Variants in SYNE1 observed in about 807,000 individuals in gnomAD.
SYNE1 encodes the protein spectrin repeat containing nuclear envelope protein 1, also known as nesprin-1.
A neutral mutation model predicts 1,111.0 loss-of-function variants in SYNE1; 616 were observed. The observed-to-expected ratio is 0.55, with a 90% CI of 0.52 to 0.59. SYNE1 has a LOEUF of 0.59. SYNE1 is among the 20% of genes least tolerant of loss of function. SYNE1 has a pLI of 0.00. For missense variants in SYNE1, 10,006 were observed against 10,417.0 expected, an observed-to-expected ratio of 0.96 and a Z score of 1.72; for synonymous variants, 3,855 against 3,825.8, an observed-to-expected ratio of 1.01 and a Z score of -0.28.
intron 3 of SYNE1, among the ~76,000 whole-genome samples, chr6:152,609,778 C>T (rs987993902): frequency 1.3e-5 from 2 of 152,114 alleles, no homozygotes; most frequent in African/African-American, 2.4e-5. Flanking sequence ...TCCAGGGGAA[C>T]GATCAGGCAG....
Position 152,376,527 on chromosome 6 carries a change from T to A in SYNE1, c.9178A>T (p.Asn3060Tyr), listed in dbSNP as rs1409760095. ...CTTTGCTGTAAAATCTGTTCTTTAT[T>A]CTGGCAGCCCTTGGATGCTTGCAAA... ...LCLQASKGCQNKEQILQQRFR... is the reference protein window; with the variant it reads ...LCLQASKGCQYKEQILQQRFR... Residue 3060 changes from asparagine (N) to tyrosine (Y), a missense_variant, in exon 58 of 146, where the codon AAT becomes TAT. Coordinates refer to ENST00000367255, the MANE Select transcript of SYNE1 (RefSeq NM_182961.4). 1.2e-6 allele frequency: 2 copies of A among 1,614,032 alleles called. No individual in the cohort carries two copies. The highest frequency in any genetic ancestry group is 2.7e-5 in the African/African-American group (2 of 74,932).
At chr6:152,579,191 AT>A (rs1347561775) in intron 3 of SYNE1, among the ~76,000 whole-genome samples, 2 of 152,138 alleles carry the variant, frequency 1.3e-5, no homozygotes, top group Admixed American at 6.5e-5. Context: ...AGAGGTAGAA[AT>A]TTTTTTCCTT....
intron 129 of SYNE1, among the ~76,000 whole-genome samples, chr6:152,178,374 AACCGTGAGCAGATGC>A (rs1474888034): frequency 6.6e-6 from 1 of 152,230 alleles, no homozygotes; most frequent in Non-Finnish European, 1.5e-5. Context: ...AGCAAAGGGC[AACCGTGAGCAGATGC>A]TAAAATGAAA....
chr6:152,514,638 TA>T lies in SYNE1; in HGVS notation c.310-3536del, dbSNP rs200978447. Among the ~76,000 whole-genome samples, 111 of 105,472 alleles carry T rather than the reference TA, an allele frequency of 1.1e-3. 1 individual carries two copies. The East Asian group carries it at 0.021, about 20-fold the overall frequency. The allele number at this position is 105,472 out of a possible 152,430, so 69.2% of individuals were successfully genotyped here. On this transcript the variant is annotated intron_variant, in intron 6 of 145. Coordinates refer to ENST00000367255, the MANE Select transcript of SYNE1 (RefSeq NM_182961.4). ...CTTAAAGTATAATTTAAAAAAATAA[TA>T]AAAAAAAACAATGAATACCAAAAAA...
At chr6:152,583,482 GA>G (rs2128444802) in intron 3 of SYNE1, among the ~76,000 whole-genome samples, 1 of 152,296 alleles carries the variant, frequency 6.6e-6, no homozygotes, top group East Asian at 1.9e-4. Context: ...GGATTGTGCA[GA>G]AAAATAGGAA....
intron 119 of SYNE1, among the ~76,000 whole-genome samples, 157 bp downstream of exon 119, chr6:152,220,685 T>C (rs1057057332): frequency 2.0e-5 from 3 of 152,198 alleles, no homozygotes; most frequent in African/African-American, 7.2e-5. Flanking sequence ...TGTGCACCTG[T>C]GTTCTGAAAA....
intron 3 of SYNE1, among the ~76,000 whole-genome samples, chr6:152,585,751 G>A (rs1287282970): frequency 1.3e-5 from 2 of 152,030 alleles, no homozygotes; most frequent in East Asian, 1.9e-4. Flanking sequence ...GAAAAACACC[G>A]CCATGATTTT....
Position 152,596,263 on chromosome 6 carries a change from TTTGTTTG to T in SYNE1, c.67+31995_67+32001del, listed in dbSNP as rs1284588406. 1.0e-3 allele frequency among the ~76,000 whole-genome samples: 116 copies of T among 111,972 alleles called. 1 individual carries two copies. The highest frequency in any genetic ancestry group is 5.0e-3 in the Middle Eastern group (1 of 202). 73.5% of individuals were successfully genotyped at this position (111,972 alleles called of 152,430 possible). ...AAAAAGTTATGATTACAGTTTTTTG[TTTGTTTG>T]TTTTTTTTTTTTTTTGAGATGACGT... On this transcript the variant is annotated intron_variant, in intron 3 of 145. Transcript: ENST00000367255.
At chr6:152,539,554 T>C (rs573278176) in intron 4 of SYNE1, among the ~76,000 whole-genome samples, 1 of 152,330 alleles carries the variant, frequency 6.6e-6, no homozygotes, top group African/African-American at 2.4e-5. Flanking sequence ...GCACTGATAC[T>C]ATCATAATAT....
Position 152,321,852 on chromosome 6 carries a change from C to G in SYNE1, c.15952G>C (p.Val5318Leu). 6.2e-7 allele frequency: 1 copy of G among 1,614,036 alleles called. No individual in the cohort carries two copies. The highest frequency in any genetic ancestry group is 8.5e-7 in the Non-Finnish European group (1 of 1,179,976). ...TCTCGGTCCTTCAGCTCTTGCTTCA[C>G]CAACTTTCCATTAGTCTTCACTTTC... Reference protein sequence around the residue: ...QEKVKTNGKLVKQELKDREMV... With the variant: ...QEKVKTNGKLLKQELKDREMV... Residue 5318 changes from valine to leucine, a missense_variant, in exon 83 of 146, where the codon GTG becomes CTG. This residue lies in a region of SYNE1 where 4,955 missense variants were observed against 5,017.2 expected (regional missense o/e 0.99). Coordinates refer to ENST00000367255, the MANE Select transcript of SYNE1 (RefSeq NM_182961.4).
Position 152,386,761 on chromosome 6 carries a change from T to C in SYNE1, c.8487+311A>G, listed in dbSNP as rs190547020. Among the ~76,000 whole-genome samples, 16 of 151,974 alleles carry C rather than the reference T, an allele frequency of 1.1e-4. No individual in the cohort carries two copies. In the East Asian group the frequency reaches 2.9e-3, roughly 28 times the overall value. On this transcript the variant is annotated intron_variant, in intron 54 of 145. Coordinates refer to ENST00000367255, the MANE Select transcript of SYNE1 (RefSeq NM_182961.4). The stretch of plus-strand genomic sequence containing the variant: ...AAGTGTAGCAAAAGAAAAACAACTT[T>C]AACGGCGACATTTGATGTGCAAAGT...
rs1318840235 is a variant in SYNE1, at chr6:152,396,767, T to C, written c.7556+8A>G. 6.2e-7 allele frequency: 1 copy of C among 1,613,650 alleles called. No homozygotes were observed. Among genetic ancestry groups the C allele is most frequent in the East Asian group, 2.2e-5 (1 of 44,854 alleles). ...ATGATGAAATCTATGTTTGTTAAACTAACCTACCTTCCAAGTTCTGAAGCA... is the reference window on the plus strand; with the variant it reads ...ATGATGAAATCTATGTTTGTTAAACCAACCTACCTTCCAAGTTCTGAAGCA... On this transcript the variant is annotated splice_region_variant and intron_variant, in intron 50 of 145. Coordinates refer to ENST00000367255, the MANE Select transcript of SYNE1 (RefSeq NM_182961.4).
In SYNE1 at chr6:152,453,529, G is replaced by A. The variant is rs766801762; in HGVS notation, c.3027+57C>T. 11 of 1,612,764 alleles carry A rather than the reference G, an allele frequency of 6.8e-6. No individual in the cohort carries two copies. Among genetic ancestry groups the A allele is most frequent in the Admixed American group, 5.0e-5 (3 of 59,998 alleles). ...TTCTCTTACATTTGGACCTTAACAC[G>A]CTCAAGCTTCTCCCTTCATTGAGGA... On this transcript the variant is annotated intron_variant, in intron 25 of 145. Coordinates refer to ENST00000367255, the MANE Select transcript of SYNE1 (RefSeq NM_182961.4).
rs2153953025 is a variant in SYNE1 at position 152,326,068 on chromosome 6, T to C, written c.15328A>G (p.Arg5110Gly). The change falls in exon 80 of 146, where the codon AGG (arginine) becomes GGG (glycine). Residue 5110 changes from arginine to glycine, a missense_variant. This residue lies in a region of SYNE1 where 4,955 missense variants were observed against 5,017.2 expected (regional missense o/e 0.99). Transcript: ENST00000367255. Reference sequence around the variant, plus strand: ...TTCATCAATTCAATAACCTCTTCCCTTGCTTTCTGGTAATCGTGCCATTGA... The same window carrying C: ...TTCATCAATTCAATAACCTCTTCCCCTGCTTTCTGGTAATCGTGCCATTGA... Reference protein sequence around the residue: ...TAQWHDYQKAREEVIELMNDT... With the variant: ...TAQWHDYQKAGEEVIELMNDT... The C allele has an allele frequency of 6.2e-7, 1 of 1,614,176 alleles. No individual in the cohort carries two copies. The highest frequency in any genetic ancestry group is 8.5e-7 in the Non-Finnish European group (1 of 1,180,032).
At chr6:152,335,871 G>A (rs9397098) in intron 76 of SYNE1, 119,596 of 151,886 alleles carry the variant, frequency 0.79, 47,496 homozygotes, top group African/African-American at 0.9. Flanking sequence ...ATTTTTAATA[G>A]AGATGTGGTC....
At chr6:152,287,814 T>G (rs377630790) in intron 95 of SYNE1, among the ~76,000 whole-genome samples, 11 of 152,200 alleles carry the variant, frequency 7.2e-5, no homozygotes, top group African/African-American at 2.7e-4. Context: ...CCCAAAGTGC[T>G]GGGATTACAG....
intron 128 of SYNE1, among the ~76,000 whole-genome samples, chr6:152,183,832 CT>C (rs1300539354): frequency 6.6e-6 from 1 of 152,114 alleles, no homozygotes; most frequent in African/African-American, 2.4e-5. Flanking sequence ...ATTTGGGGCA[CT>C]TGTTTAGAAT....
chr6:152,427,521 G>A (rs535738419), intron 38 of SYNE1, 172 bp downstream of exon 38: 1 of 729,224 alleles, frequency 1.4e-6, no homozygotes, highest in Non-Finnish European at 2.3e-6. Context: ...CTCCCTTTCA[G>A]GTCATGGTTG....
At chr6:152,541,773 A>T in intron 3 of SYNE1, among the ~76,000 whole-genome samples, 1 of 146,736 alleles carries the variant, frequency 6.8e-6, no homozygotes, top group East Asian at 2.0e-4. Context: ...AAAGAAAAGA[A>T]ATGCCACAGA....
Sources: gnomAD v4.1 joint callset for allele counts (sites outside exome capture counted in the v4.1 genomes callset) on GRCh38, gnomAD v4.1.1 for gene constraint, gnomAD v4.1.1 regional missense constraint, MANE v1.5 for transcripts, NCBI Gene and HGNC (gene_info 2026-07-23, HGNC 2026-07-21) for gene names.